Variants in NECTIN1 observed in about 807,000 individuals in gnomAD.
The protein encoded by NECTIN1 is nectin-1.
In NECTIN1, 23 loss-of-function variants were observed where a neutral mutation model predicts 48.0. The observed-to-expected ratio is 0.48, with a 90% CI of 0.34 to 0.68. NECTIN1 has a LOEUF of 0.68. NECTIN1 is among the 30% of genes least tolerant of loss of function. The pLI, the probability that NECTIN1 is intolerant of heterozygous loss-of-function variation, is 0.01. For missense variants in NECTIN1, 591 were observed against 709.9 expected, an observed-to-expected ratio of 0.83 and a Z score of 1.90; for synonymous variants, 270 against 288.9, an observed-to-expected ratio of 0.93 and a Z score of 0.66.
At chr11:119,710,732 G>C (rs1865628727) in intron 1 of NECTIN1, among the ~76,000 whole-genome samples, 1 of 152,162 alleles carries the variant, frequency 6.6e-6, no homozygotes, top group South Asian at 2.1e-4. Flanking sequence ...GATAAGCCCA[G>C]TGTGAGAGGA....
intron 1 of NECTIN1, among the ~76,000 whole-genome samples, chr11:119,694,088 A>G (rs1331336931): frequency 6.6e-6 from 1 of 152,200 alleles, no homozygotes; most frequent in Non-Finnish European, 1.5e-5. Context: ...GACCAGGCTG[A>G]GCATTGGTCA....
Position 119,677,808 on chromosome 11 carries a change from C to T in NECTIN1, c.480G>A (p.Lys160=), listed in dbSNP as rs145986556. 359 of 1,614,058 alleles carry T rather than the reference C, an allele frequency of 2.2e-4. No individual in the cohort carries two copies. Among genetic ancestry groups the T allele is most frequent in the Non-Finnish European group, 2.9e-4 (337 of 1,180,032 alleles). ...IEGTQAVLRA[K]KGQDDKVLVA... ...CCAGGACCTTGTCATCCTGCCCCTT[C>T]TTGGCTCGAAGCACTGCCTGGGTAC... Residue 160 remains lysine, a synonymous_variant, in exon 3 of 6, where the codon AAG becomes AAA. Transcript: ENST00000264025. This position sits in a 1 kb window ranked among gnomAD's most constrained non-coding sequence, Gnocchi z 5.4.
chr11:119,697,853 G>A (rs1313845424), intron 1 of NECTIN1, among the ~76,000 whole-genome samples: 2 of 152,242 alleles, frequency 1.3e-5, no homozygotes, highest in African/African-American at 2.4e-5. Context: ...TCACTGGTGT[G>A]CACATTATAA....
chr11:119,665,196 T>C lies in NECTIN1; in HGVS notation c.1105A>G (p.Ile369Val). Residue 369 changes from isoleucine to valine, a missense_variant, in exon 6 of 6, where the codon ATT (isoleucine) becomes GTT (valine). Ile to Val is a conservative substitution (Grantham distance 29, BLOSUM62 3). Transcript: ENST00000264025. The surrounding 1 kb of genome is among the most constrained non-coding windows in gnomAD (Gnocchi z 5.1). Reference protein sequence around the residue: ...GVAGSILLVLIVVGGIVVALR... With the variant: ...GVAGSILLVLVVVGGIVVALR... ...GCGACCACGATCCCGCCGACCACAA[T>C]CAACACCAGCAGGATGCTCCCCGCC... is the stretch of plus-strand genomic sequence containing the variant. The C allele has an allele frequency of 6.2e-7, 1 of 1,608,602 alleles. No individual in the cohort carries two copies. The highest frequency in any genetic ancestry group is 8.5e-7 in the Non-Finnish European group (1 of 1,179,856).
chr11:119,721,879 T>C (rs1010734210), intron 1 of NECTIN1, among the ~76,000 whole-genome samples: 5 of 152,228 alleles, frequency 3.3e-5, no homozygotes, highest in African/African-American at 1.2e-4. Flanking sequence ...CTGGGCTCTG[T>C]GGTCAGCTCT....
In NECTIN1 at chr11:119,728,920, T is replaced by G; in HGVS notation, c.-367A>C. On this transcript the variant is annotated 5_prime_UTR_variant, in exon 1 of 6. Coordinates refer to ENST00000264025, the MANE Select transcript of NECTIN1 (RefSeq NM_002855.5). ...TGCCCGGTTGCGCGGCGCGGGCTCC[T>G]GGCCCCGGCCCGCTCACACCCTCCC... The G allele has an allele frequency of 1.1e-5, 2 of 183,488 alleles. No homozygotes were observed. The highest frequency in any genetic ancestry group is 1.1e-5 in the Non-Finnish European group (1 of 89,066). The allele number at this position is 183,488 out of a possible 1,614,324, so 11.4% of individuals were successfully genotyped here.
intron 1 of NECTIN1, among the ~76,000 whole-genome samples, chr11:119,714,527 C>T (rs1013511695): frequency 2.0e-5 from 3 of 152,152 alleles, no homozygotes; most frequent in Non-Finnish European, 4.4e-5. Context: ...ACAGCCCAGC[C>T]CACCGCAGGG....
chr11:119,674,534 G>T (rs746731229), intron 5 of NECTIN1: 31 of 1,614,104 alleles, frequency 1.9e-5, no homozygotes, highest in Non-Finnish European at 2.5e-5. Context: ...CCTGTCCAGG[G>T]TCACAGCTGT....
intron 1 of NECTIN1, among the ~76,000 whole-genome samples, chr11:119,708,048 C>T (rs577651332): frequency 3.3e-5 from 5 of 152,318 alleles, no homozygotes; most frequent in East Asian, 1.9e-4. Flanking sequence ...GAGTGATAAA[C>T]GCAGTTTTTG....
At chr11:119,676,779 G>A (rs1409422010) in intron 4 of NECTIN1, 7 of 403,912 alleles carry the variant, frequency 1.7e-5, no homozygotes, top group Non-Finnish European at 2.8e-5. Context: ...ATACTGGGGG[G>A]TTGGGGTGGG....
At chr11:119,680,066 A>G (rs1246265230) in intron 1 of NECTIN1, among the ~76,000 whole-genome samples, 1 of 152,174 alleles carries the variant, frequency 6.6e-6, no homozygotes, top group Non-Finnish European at 1.5e-5. Context: ...GCTAGTAAAT[A>G]TTTGTTACTA....
Position 119,638,189 on chromosome 11 carries a change from A to G in NECTIN1, c.1286T>C (p.Leu429Pro), listed in dbSNP as rs746307393. 7 of 1,614,048 alleles carry G rather than the reference A, an allele frequency of 4.3e-6. No homozygotes were observed. The South Asian group carries it at 6.6e-5, about 15-fold the overall frequency. The change falls in exon 8 of 8, where the codon CTG becomes CCG. Residue 429 changes from leucine (L) to proline (P), a missense_variant. Transcript: ENST00000341398. ...ATCATAGTAGGGGGGCTGCAGGGAC[A>G]GCTTCTGCAAGTCCTCCTCTTCTTG...
At chr11:119,691,897 A>C (rs926070551) in intron 1 of NECTIN1, among the ~76,000 whole-genome samples, 1 of 152,100 alleles carries the variant, frequency 6.6e-6, no homozygotes, top group East Asian at 1.9e-4. Context: ...AGCAGCACTG[A>C]AATCATCACT....
chr11:119,709,764 G>A lies in NECTIN1; in HGVS notation c.79+18711C>T, dbSNP rs1000059429. ...CGGGTTTGTGGAGAGAGGGCAGGAC[G>A]AGGCGGAGCGGGTTTGAGGGGGAGG... On this transcript the variant is annotated intron_variant, in intron 1 of 5. Transcript: ENST00000264025. This position sits in a 1 kb window ranked among gnomAD's most constrained non-coding sequence, Gnocchi z 4.1. 6.6e-6 allele frequency among the ~76,000 whole-genome samples: 1 copy of A among 152,112 alleles called. No homozygotes were observed. Among genetic ancestry groups the A allele is most frequent in the Non-Finnish European group, 1.5e-5 (1 of 68,006 alleles).
chr11:119,724,093 G>T lies in NECTIN1; in HGVS notation c.79+4382C>A, dbSNP rs1356294257. Among the ~76,000 whole-genome samples the T allele has an allele frequency of 2.0e-5, 3 of 152,232 alleles. No individual in the cohort carries two copies. In the East Asian group the frequency reaches 5.8e-4, roughly 29 times the overall value. ...CACCTGGGCACACACAGCTCTGCAG[G>T]GCCCTCATGGAGGACCAAAGCTCAT... On this transcript the variant is annotated intron_variant, in intron 1 of 5. Coordinates refer to ENST00000264025, the MANE Select transcript of NECTIN1 (RefSeq NM_002855.5).
chr11:119,655,418 G>A (rs1864556745), intron 5 of NECTIN1, among the ~76,000 whole-genome samples: 1 of 152,128 alleles, frequency 6.6e-6, no homozygotes, highest in South Asian at 2.1e-4. Flanking sequence ...GACACACTGC[G>A]ACTGGTCTGT....
chr11:119,655,919 A>T (rs1864566102), intron 5 of NECTIN1, among the ~76,000 whole-genome samples: 1 of 152,166 alleles, frequency 6.6e-6, no homozygotes, highest in African/African-American at 2.4e-5. Context: ...ATTTTAAGAC[A>T]CAAGATCTCA....
Position 119,666,833 on chromosome 11 carries a change from C to T in NECTIN1, c.1004-1536G>A, listed in dbSNP as rs139064362. Among the ~76,000 whole-genome samples, 284 of 152,296 alleles carry T rather than the reference C, an allele frequency of 1.9e-3. 1 individual carries two copies. Among genetic ancestry groups the T allele is most frequent in the Middle Eastern group, 6.8e-3 (2 of 294 alleles). On this transcript the variant is annotated intron_variant, in intron 5 of 5. Transcript: ENST00000264025. ...GGGTGCTATCCCACTCGGCAGGCTGCAGCAGGGTGGAGATTCTAGGAAAGA... is the reference window on the plus strand; with the variant it reads ...GGGTGCTATCCCACTCGGCAGGCTGTAGCAGGGTGGAGATTCTAGGAAAGA...
At chr11:119,701,414 G>A (rs73004983) in intron 1 of NECTIN1, among the ~76,000 whole-genome samples, 3 of 152,150 alleles carry the variant, frequency 2.0e-5, no homozygotes, top group Admixed American at 1.3e-4. Context: ...CAAACACAGA[G>A]AGGTAAAATG....
Sources: allele counts gnomAD v4.1 joint callset (sites outside exome capture counted in the v4.1 genomes callset), GRCh38; gene constraint gnomAD v4.1.1; non-coding constraint Gnocchi (gnomAD v3.1); transcripts MANE v1.5; gene names NCBI Gene and HGNC (gene_info 2026-07-23, HGNC 2026-07-21).